POFUT3: variants seen among roughly 807,000 people sequenced by gnomAD.
POFUT3 encodes protein O-fucosyltransferase 3, also known as GDP-fucose protein O-fucosyltransferase 3.
At chr8:33,310,797 A>G in the POFUT3 span, among the ~76,000 whole-genome samples, 5 of 151,760 alleles carry the variant, frequency 3.3e-5, no homozygotes, top group Non-Finnish European at 7.4e-5. Context: ...GCAGAACTTA[A>G]GTAATGCAAA....
the POFUT3 span, among the ~76,000 whole-genome samples, chr8:33,395,598 C>A: frequency 6.6e-6 from 1 of 152,112 alleles, no homozygotes; most frequent in Non-Finnish European, 1.5e-5. Flanking sequence ...GTCAGTTTGA[C>A]CTCATTCCTC....
chr8:33,390,215 C>G, the POFUT3 span, among the ~76,000 whole-genome samples: 6 of 150,610 alleles, frequency 4.0e-5, no homozygotes, highest in South Asian at 8.3e-4. Context: ...TACACACACA[C>G]ACACACACAC....
chr8:33,415,219 G>A, the POFUT3 span, among the ~76,000 whole-genome samples: 64 of 152,088 alleles, frequency 4.2e-4, no homozygotes, highest in Non-Finnish European at 7.5e-4. Flanking sequence ...CCAAGATCAC[G>A]TCACTACACT....
the POFUT3 span, among the ~76,000 whole-genome samples, chr8:33,453,954 C>CA: frequency 3.3e-5 from 5 of 150,104 alleles, no homozygotes; most frequent in South Asian, 2.1e-4. Context: ...AGCTCCATGT[C>CA]AAAAAAAAGA....
At chr8:33,326,450 A>G in the POFUT3 span, among the ~76,000 whole-genome samples, 1 of 152,182 alleles carries the variant, frequency 6.6e-6, no homozygotes, top group East Asian at 1.9e-4. Flanking sequence ...ATTCAGTATT[A>G]CATATAGCTC....
the POFUT3 span, among the ~76,000 whole-genome samples, chr8:33,350,698 G>T: frequency 6.6e-6 from 1 of 152,056 alleles, no homozygotes; most frequent in Non-Finnish European, 1.5e-5. Flanking sequence ...GTTTCCCAGT[G>T]GAAAATTGAT....
chr8:33,431,547 C>CAAAAAAAAAAAAAAAAAAAAAAAA, the POFUT3 span, among the ~76,000 whole-genome samples: 3 of 35,082 alleles, frequency 8.6e-5, 1 homozygote, highest in East Asian at 9.8e-4. Flanking sequence ...GACCCTGTCT[C>CAAAAAAAAAAAAAAAAAAAAAAAA]AAAAAAAAAA....
the POFUT3 span, among the ~76,000 whole-genome samples, chr8:33,319,717 TAA>T: frequency 1.3e-5 from 1 of 77,424 alleles, no homozygotes; most frequent in Non-Finnish European, 2.1e-5. Context: ...TATATTTATA[TAA>T]TATATAAATG....
the POFUT3 span, among the ~76,000 whole-genome samples, chr8:33,321,948 TATGTCTCC>T: frequency 2.0e-5 from 3 of 152,128 alleles, no homozygotes; most frequent in East Asian, 3.9e-4. Context: ...TATTTAACTA[TATGTCTCC>T]ATGACTAGTT....
the POFUT3 span, among the ~76,000 whole-genome samples, chr8:33,368,256 G>A: frequency 6.6e-6 from 1 of 152,172 alleles, no homozygotes; most frequent in Non-Finnish European, 1.5e-5. Flanking sequence ...ACTGACCAGA[G>A]GCTTGGCTGT....
At chr8:33,437,665 G>A in the POFUT3 span, among the ~76,000 whole-genome samples, 1 of 152,098 alleles carries the variant, frequency 6.6e-6, no homozygotes, top group Non-Finnish European at 1.5e-5. Context: ...ACAAAAATTA[G>A]CTGGGCATTG....
the POFUT3 span, among the ~76,000 whole-genome samples, chr8:33,334,223 C>CT: frequency 9.1e-3 from 1,316 of 145,008 alleles, 16 homozygotes; most frequent in African/African-American, 0.029. Flanking sequence ...TTGAAAATTC[C>CT]TTTTTTTTTT....
chr8:33,398,467 A>T, the POFUT3 span, among the ~76,000 whole-genome samples: 1 of 152,236 alleles, frequency 6.6e-6, no homozygotes, highest in Non-Finnish European at 1.5e-5. Context: ...ACATCAAAAC[A>T]AATAATAATC....
chr8:33,322,114 G>A, the POFUT3 span, among the ~76,000 whole-genome samples: 1 of 152,058 alleles, frequency 6.6e-6, no homozygotes, highest in Non-Finnish European at 1.5e-5. Context: ...CTATCATTTG[G>A]TTTCAAGAGT....
the POFUT3 span, among the ~76,000 whole-genome samples, chr8:33,466,560 T>C: frequency 1.3e-5 from 2 of 152,078 alleles, no homozygotes; most frequent in Admixed American, 6.6e-5. Context: ...CCAGGGTAGA[T>C]AGTAGTATTG....
the POFUT3 span, among the ~76,000 whole-genome samples, chr8:33,406,310 C>T: frequency 6.6e-6 from 1 of 151,858 alleles, no homozygotes; most frequent in East Asian, 1.9e-4. Context: ...TAAAAAAATA[C>T]ATAAAATTAC....
the POFUT3 span, among the ~76,000 whole-genome samples, chr8:33,364,003 C>T: frequency 1.3e-5 from 2 of 152,120 alleles, no homozygotes; most frequent in Non-Finnish European, 2.9e-5. Flanking sequence ...CTGATGAACA[C>T]TGATGCGAAA....
the POFUT3 span, among the ~76,000 whole-genome samples, chr8:33,364,951 A>C: frequency 5.3e-5 from 8 of 152,242 alleles, no homozygotes; most frequent in East Asian, 1.3e-3. Context: ...CACATTGCCA[A>C]GACAATCTTA....
the POFUT3 span, among the ~76,000 whole-genome samples, chr8:33,372,980 A>G: frequency 3.3e-5 from 5 of 152,324 alleles, no homozygotes; most frequent in African/African-American, 1.2e-4. Context: ...AATAGGTGCT[A>G]CTACCCCATT....
Sources: gnomAD v4.1 joint callset for allele counts (sites outside exome capture counted in the v4.1 genomes callset) on GRCh38, gnomAD v4.1.1 for gene constraint, MANE v1.5 for transcripts, NCBI Gene and HGNC (gene_info 2026-07-23, HGNC 2026-07-21) for gene names.